Variants in SPATS2L observed in about 807,000 individuals in gnomAD.
The protein encoded by SPATS2L is SPATS2-like protein.
SPATS2L carries 30 observed loss-of-function variants against 59.6 expected under a neutral mutation model. That is an observed-to-expected ratio of 0.50 (90% CI 0.38 to 0.68). The LOEUF (loss-of-function observed/expected upper bound fraction) is 0.68. SPATS2L is among the 30% of genes least tolerant of loss of function. The probability of loss-of-function intolerance (pLI) is 0.00; values close to 1 mark genes in which losing one functional copy is unlikely to be tolerated. For synonymous variants in SPATS2L, 252 were observed against 263.5 expected (o/e 0.96, Z 0.42); for missense variants, 615 against 700.0 (o/e 0.88, Z 1.37).
intron 6 of SPATS2L, among the ~76,000 whole-genome samples, chr2:200,428,058 A>T (rs1280372536): frequency 2.8e-5 from 4 of 143,184 alleles, no homozygotes; most frequent in Non-Finnish European, 6.1e-5. Context: ...TGACAGCGAG[A>T]CCGTGTCTCA....
chr2:200,461,829 A>G (rs2086259347), intron 9 of SPATS2L, among the ~76,000 whole-genome samples: 1 of 152,108 alleles, frequency 6.6e-6, no homozygotes, highest in African/African-American at 2.4e-5. Flanking sequence ...AGCTATCGTT[A>G]TTTTTGTTAC....
At chr2:200,469,878 A>G in intron 10 of SPATS2L, 36 bp from the exon 11 acceptor site, 1 of 1,547,564 alleles carries the variant, frequency 6.5e-7, no homozygotes, top group Non-Finnish European at 8.8e-7. Flanking sequence ...CATTTCTGTA[A>G]TCATGGGGTT....
intron 3 of SPATS2L, among the ~76,000 whole-genome samples, chr2:200,402,118 C>T (rs2082547809): frequency 6.6e-6 from 1 of 152,246 alleles, no homozygotes; most frequent in South Asian, 2.1e-4. Flanking sequence ...CTACACTGCC[C>T]CATCTTGGTC....
At chr2:200,332,248 C>CT (rs1173579207) in intron 2 of SPATS2L, among the ~76,000 whole-genome samples, 125 of 142,430 alleles carry the variant, frequency 8.8e-4, no homozygotes, top group South Asian at 8.9e-4. Flanking sequence ...AATCTTCAAG[C>CT]TTTTTTTTTT....
intron 6 of SPATS2L, among the ~76,000 whole-genome samples, chr2:200,435,749 TC>T (rs2084243148): frequency 6.6e-6 from 1 of 152,116 alleles, no homozygotes; most frequent in African/African-American, 2.4e-5. Flanking sequence ...ACACTGAAGA[TC>T]AAAACTCTCA....
intron 2 of SPATS2L, among the ~76,000 whole-genome samples, chr2:200,362,314 A>G (rs1318348629): frequency 6.6e-6 from 1 of 152,192 alleles, no homozygotes; most frequent in Non-Finnish European, 1.5e-5. Context: ...TTTGTTACCA[A>G]TTTGGCTGCT....
At chr2:200,373,123 T>G (rs1157412813) in intron 2 of SPATS2L, 1 of 152,184 alleles carries the variant, frequency 6.6e-6, no homozygotes, top group Non-Finnish European at 1.5e-5. Context: ...TAAGCTAAAT[T>G]AATTTTTCCC....
intron 1 of SPATS2L, among the ~76,000 whole-genome samples, chr2:200,308,000 C>A (rs1422058930): frequency 1.3e-5 from 2 of 152,052 alleles, no homozygotes; most frequent in Non-Finnish European, 2.9e-5. Context: ...ATGTACCAGC[C>A]CCCTCACAAG....
At chr2:200,310,129 T>C (rs2079146995) in intron 1 of SPATS2L, among the ~76,000 whole-genome samples, 1 of 152,236 alleles carries the variant, frequency 6.6e-6, no homozygotes, top group African/African-American at 2.4e-5. Flanking sequence ...ATTTATCTAC[T>C]TCCTTAATTA....
chr2:200,469,495 C>T (rs1394390097), intron 10 of SPATS2L, among the ~76,000 whole-genome samples: 1 of 152,162 alleles, frequency 6.6e-6, no homozygotes, highest in Non-Finnish European at 1.5e-5. Flanking sequence ...GTGGACGTCC[C>T]GGTTCCCTGT....
At chr2:200,384,075 T>C (rs1253520321) in intron 2 of SPATS2L, 3 of 881,634 alleles carry the variant, frequency 3.4e-6, no homozygotes, top group African/African-American at 1.8e-5. Flanking sequence ...AACATAAATA[T>C]ATATTTTTAA....
At chr2:200,474,760 G>T (rs1424624106) in intron 12 of SPATS2L, among the ~76,000 whole-genome samples, 1 of 152,024 alleles carries the variant, frequency 6.6e-6, no homozygotes, top group East Asian at 1.9e-4. Flanking sequence ...TTAGGTAATG[G>T]CTCATTTAAG....
chr2:200,452,735 C>T (rs1000292092), intron 8 of SPATS2L, among the ~76,000 whole-genome samples: 4 of 152,094 alleles, frequency 2.6e-5, no homozygotes, highest in African/African-American at 4.8e-5. Context: ...CTCTATTTCC[C>T]GGATGAGCGT....
chr2:200,330,396 T>C (rs1173391420), intron 2 of SPATS2L, among the ~76,000 whole-genome samples: 1 of 152,208 alleles, frequency 6.6e-6, no homozygotes, highest in Non-Finnish European at 1.5e-5. Flanking sequence ...AAAAGAGCCA[T>C]AAATATTGGT....
At chr2:200,414,392 T>C (rs1341283046) in intron 4 of SPATS2L, among the ~76,000 whole-genome samples, 1 of 152,100 alleles carries the variant, frequency 6.6e-6, no homozygotes, top group Non-Finnish European at 1.5e-5. Context: ...CCCAGCATAC[T>C]GGGAGGTCAA....
intron 11 of SPATS2L, among the ~76,000 whole-genome samples, chr2:200,472,001 T>C (rs1312348889): frequency 6.6e-6 from 1 of 152,208 alleles, no homozygotes; most frequent in Non-Finnish European, 1.5e-5. Context: ...TGATTCAGTG[T>C]AATCACATAG....
Position 200,472,769 on chromosome 2 carries a change from T to G in SPATS2L, c.1061-63T>G, listed in dbSNP as rs2087157009. 3.6e-6 allele frequency: 5 copies of G among 1,403,274 alleles called. No homozygotes were observed. In the South Asian group the frequency reaches 5.8e-5, roughly 16 times the overall value. 86.9% of individuals were successfully genotyped at this position (1,403,274 alleles called of 1,614,324 possible). A position where few individuals can be genotyped will look rare whatever the true frequency, so the allele number is the denominator to read the frequency against. On this transcript the variant is annotated intron_variant, in intron 11 of 12. Transcript: ENST00000409140. ...TTCTTCATCTTCTAGCGCTTCCTAA[T>G]GGGTTACTGAGGCAGCAGTGTTGGA... is the stretch of plus-strand genomic sequence containing the variant.
intron 2 of SPATS2L, among the ~76,000 whole-genome samples, chr2:200,339,146 T>A (rs992027125): frequency 6.6e-6 from 1 of 152,242 alleles, no homozygotes; most frequent in African/African-American, 2.4e-5. Flanking sequence ...CAACAACACA[T>A]GTTATTATTG....
intron 2 of SPATS2L, among the ~76,000 whole-genome samples, chr2:200,360,301 A>G (rs1279319973): frequency 6.6e-6 from 1 of 152,222 alleles, no homozygotes; most frequent in Non-Finnish European, 1.5e-5. Flanking sequence ...CAGTCAGGCA[A>G]GAGGAGAGTA....
Sources: allele counts gnomAD v4.1 joint callset (sites outside exome capture counted in the v4.1 genomes callset), GRCh38; gene constraint gnomAD v4.1.1; transcripts MANE v1.5; gene names NCBI Gene and HGNC (gene_info 2026-07-23, HGNC 2026-07-21).